The following PFKFB1 variants were observed in gnomAD, a reference collection of about 807,000 sequenced individuals.
PFKFB1 encodes 6-phosphofructo-2-kinase/fructose-2,6-biphosphatase 1.
In PFKFB1, 34 loss-of-function variants were observed where a neutral mutation model predicts 46.4. The observed-to-expected ratio is 0.73, with a 90% CI of 0.56 to 0.98. PFKFB1 has a LOEUF of 0.98. PFKFB1 is among the 50% of genes least tolerant of loss of function. The pLI is 0.00. For synonymous variants in PFKFB1, 119 were observed against 133.8 expected (o/e 0.89, Z 0.76); for missense variants, 393 against 376.3 (o/e 1.04, Z -0.37).
At chrX:54,990,601 C>T (rs754239577) in intron 1 of PFKFB1, among the ~76,000 whole-genome samples, 3 of 111,663 alleles carry the variant, frequency 2.7e-5, no homozygotes, top group African/African-American at 3.2e-5. Flanking sequence ...TGCAGACAAC[C>T]TCTGTCAGAG....
At chrX:54,987,456 T>C (rs1475679368) in intron 1 of PFKFB1, among the ~76,000 whole-genome samples, 1 of 111,286 alleles carries the variant, frequency 9.0e-6, no homozygotes, top group African/African-American at 3.2e-5. Flanking sequence ...ATTTCCGTGC[T>C]ACCAAAGTTA....
intron 10 of PFKFB1, among the ~76,000 whole-genome samples, chrX:54,940,434 A>C (rs1933580370): frequency 8.9e-6 from 1 of 111,859 alleles, no homozygotes; most frequent in South Asian, 3.8e-4. Flanking sequence ...TTCAATTAGG[A>C]AAAGAGGAAG....
At position 54,951,036 on chromosome X, in the gene PFKFB1, G is replaced by A. The variant is rs764080159; in HGVS notation, c.846+869C>T. On this transcript the variant is annotated intron_variant, in intron 8 of 13. Transcript: ENST00000375006. Reference sequence around the variant, plus strand: ...CACACATGCGGAAGCAGATGGCACCGTGACTGTGCATAGGTGTCCAATAAA... The same window carrying A: ...CACACATGCGGAAGCAGATGGCACCATGACTGTGCATAGGTGTCCAATAAA... 8.8e-5 allele frequency among the ~76,000 whole-genome samples: 10 copies of A among 113,328 alleles called. No homozygotes were observed. The East Asian group carries it at 2.2e-3, about 25-fold the overall frequency.
chrX:54,991,573 T>G (rs775123281), intron 1 of PFKFB1, among the ~76,000 whole-genome samples: 119 of 95,228 alleles, frequency 1.2e-3, no homozygotes, highest in African/African-American at 4.5e-3. Context: ...GTGTGTGTGT[T>G]TGTATATGTG....
In PFKFB1 at chrX:54,945,480, G is replaced by A. The variant is rs368782445; in HGVS notation, c.1057C>T (p.Arg353Ter). 1.0e-5 allele frequency: 12 copies of A among 1,201,621 alleles called. No individual in the cohort carries two copies. Among genetic ancestry groups the A allele is most frequent in the Admixed American group, 6.6e-5 (3 of 45,617 alleles). ...CGGTAGCGATATTTATCTTGGTCTC[G>A]CAGTGCAAATTCTTCAGGGTAATGT... Reference protein sequence around the residue: ...QEHYPEEFALRDQDKYRYRYP... With the variant: ...QEHYPEEFAL Residue 353 changes from arginine (R) to a stop codon, truncating the protein, a stop_gained, in exon 10 of 14, where the codon CGA becomes TGA. Coordinates refer to ENST00000375006, the MANE Select transcript of PFKFB1 (RefSeq NM_002625.4). LOFTEE classifies it high-confidence loss of function.
chrX:54,996,274 T>G (rs955681709), upstream of PFKFB1, among the ~76,000 whole-genome samples: 133 of 112,444 alleles, frequency 1.2e-3, 1 homozygote, highest in Non-Finnish European at 3.2e-4. Flanking sequence ...CCCTGTATGT[T>G]TTCCATTGCC....
At chrX:54,975,811 A>G (rs1934824927) in intron 1 of PFKFB1, among the ~76,000 whole-genome samples, 1 of 111,497 alleles carries the variant, frequency 9.0e-6, no homozygotes, top group African/African-American at 3.3e-5. Flanking sequence ...AAAGTCAACT[A>G]ATTTTGGACA....
intron 1 of PFKFB1, among the ~76,000 whole-genome samples, chrX:54,970,436 T>C (rs907600192): frequency 4.9e-4 from 50 of 102,752 alleles, no homozygotes; most frequent in African/African-American, 1.4e-3. Flanking sequence ...GCTGCACCCA[T>C]TAACTCGTCA....
intron 11 of PFKFB1, 75 bp from the exon 12 acceptor site, chrX:54,935,084 G>T: frequency 2.6e-6 from 2 of 783,797 alleles, no homozygotes; most frequent in Non-Finnish European, 3.8e-6. Flanking sequence ...CCCCAGGCTT[G>T]CTGGATGCTC....
chrX:54,994,597 A>C, upstream of PFKFB1: 2 of 754,208 alleles, frequency 2.7e-6, no homozygotes, highest in South Asian at 1.3e-4. Flanking sequence ...CAAAGTCCCT[A>C]CTGGGGAATG....
intron 10 of PFKFB1, among the ~76,000 whole-genome samples, chrX:54,938,885 C>T (rs866821206): frequency 1.8e-4 from 20 of 111,472 alleles, no homozygotes; most frequent in South Asian, 1.1e-3. Flanking sequence ...CTGCACCAAG[C>T]GGACCTAATA....
At chrX:54,939,364 C>A (rs1391790214) in intron 10 of PFKFB1, among the ~76,000 whole-genome samples, 1 of 109,627 alleles carries the variant, frequency 9.1e-6, no homozygotes, top group Non-Finnish European at 1.9e-5. Context: ...CATTCAAAAG[C>A]TAGCAGAAGG....
At chrX:54,985,889 TA>T (rs1197092944) in intron 1 of PFKFB1, among the ~76,000 whole-genome samples, 1 of 110,032 alleles carries the variant, frequency 9.1e-6, no homozygotes, top group Non-Finnish European at 1.9e-5. Flanking sequence ...AGAATATACC[TA>T]AAAAATATAT....
intron 10 of PFKFB1, among the ~76,000 whole-genome samples, chrX:54,940,926 A>G (rs1220060214): frequency 9.0e-6 from 1 of 111,721 alleles, no homozygotes; most frequent in Non-Finnish European, 1.9e-5. Context: ...AAGGGCCCGC[A>G]TCGCCAAGTC....
At chrX:54,971,797 C>A (rs1420067233) in intron 1 of PFKFB1, among the ~76,000 whole-genome samples, 1 of 111,790 alleles carries the variant, frequency 8.9e-6, no homozygotes, top group Non-Finnish European at 1.9e-5. Context: ...GTTCTTTTGG[C>A]TTAGGATTGA....
chrX:54,982,581 T>G (rs936840736), intron 1 of PFKFB1, among the ~76,000 whole-genome samples: 1 of 111,877 alleles, frequency 8.9e-6, no homozygotes, highest in Non-Finnish European at 1.9e-5. Context: ...TTGTGTTAGG[T>G]ATAATCTACA....
chrX:54,959,677 C>A lies in PFKFB1; in HGVS notation c.384+150G>T, dbSNP rs6612247. On this transcript the variant is annotated intron_variant, in intron 4 of 13. Coordinates refer to ENST00000375006, the MANE Select transcript of PFKFB1 (RefSeq NM_002625.4). ...TCTGAATTGGGGCATAATAACAACA[C>A]CTATCTCAAGGGGGGAGCATAAAAT... is the stretch of plus-strand genomic sequence containing the variant. 9 of 448,153 alleles carry A rather than the reference C, an allele frequency of 2.0e-5. No homozygotes were observed. In the East Asian group the frequency reaches 3.4e-4, roughly 17 times the overall value. 36.9% of individuals were successfully genotyped at this position (448,153 alleles called of 1,213,427 possible).
At chrX:54,996,271 T>A (rs1935355748), upstream of PFKFB1, among the ~76,000 whole-genome samples, 3 of 112,535 alleles carry the variant, frequency 2.7e-5, no homozygotes, top group South Asian at 1.1e-3. Flanking sequence ...TTTCCCTGTA[T>A]GTTTTCCATT....
chrX:54,978,338 A>G (rs905167397), intron 1 of PFKFB1, among the ~76,000 whole-genome samples: 1 of 111,133 alleles, frequency 9.0e-6, no homozygotes, highest in African/African-American at 3.3e-5. Context: ...GAAAGGAAAA[A>G]TCTTTATAGA....
Sources: allele counts gnomAD v4.1 joint callset (sites outside exome capture counted in the v4.1 genomes callset), GRCh38; gene constraint gnomAD v4.1.1; transcripts MANE v1.5; gene names NCBI Gene and HGNC (gene_info 2026-07-23, HGNC 2026-07-21).